Variants in MACF1 observed in about 807,000 individuals in gnomAD.
The protein encoded by MACF1 is microtubule actin crosslinking factor 1.
MACF1 carries 193 observed loss-of-function variants against 854.8 expected under a neutral mutation model. The ratio of observed to expected loss-of-function variants is 0.23; its 90% confidence interval spans 0.20 to 0.25. The LOEUF is 0.25. Among genes scored for constraint, MACF1 ranks in the 10% least tolerant of loss-of-function variants. The pLI, the probability that MACF1 is intolerant of heterozygous loss-of-function variation, is 1.00. For missense variants in MACF1, 7,722 were observed against 8,929.1 expected (o/e 0.86, Z 5.45); for synonymous variants, 3,185 against 3,226.7 (o/e 0.99, Z 0.44).
chr1:39,331,373 G>A lies in MACF1; in HGVS notation c.4785G>A (p.Leu1595=). The A allele has an allele frequency of 6.2e-7, 1 of 1,613,922 alleles. No individual in the cohort carries two copies. Among genetic ancestry groups the A allele is most frequent in the Non-Finnish European group, 8.5e-7 (1 of 1,179,984 alleles). Reference sequence around the variant, plus strand: ...CTGAGACGGGTGAAAACCTCTCTTTGGAGGAGGGCATAGCCAGAAACCTCA... The same window carrying A: ...CTGAGACGGGTGAAAACCTCTCTTTAGAGGAGGGCATAGCCAGAAACCTCA... ...IAPETGENLS[L]EEGIARNLIN... is the part of the protein sequence containing the mutation. The change falls in exon 37 of 101, where the codon TTG becomes TTA. Residue 1595 remains leucine (L), a synonymous_variant. Transcript: ENST00000564288.
intron 31 of MACF1, among the ~76,000 whole-genome samples, chr1:39,322,011 G>A (rs1415408155): frequency 6.6e-6 from 1 of 152,222 alleles, no homozygotes; most frequent in Non-Finnish European, 1.5e-5. Flanking sequence ...AGAAGAGAGT[G>A]GACTAGAGCA....
intron 84 of MACF1, among the ~76,000 whole-genome samples, chr1:39,449,483 C>T (rs966409917): frequency 1.3e-5 from 2 of 152,028 alleles, no homozygotes; most frequent in Non-Finnish European, 2.9e-5. Flanking sequence ...ACTGCAAGCT[C>T]CGCCTCCCAG....
intron 2 of MACF1, among the ~76,000 whole-genome samples, chr1:39,233,511 C>G (rs12030697): frequency 1.9e-4 from 29 of 152,176 alleles, no homozygotes; most frequent in Admixed American, 1.4e-3. Flanking sequence ...CACAGAAAGT[C>G]TGATGGGCTT....
intron 43 of MACF1, among the ~76,000 whole-genome samples, chr1:39,352,661 G>A (rs903481238): frequency 5.3e-5 from 8 of 152,032 alleles, no homozygotes; most frequent in Admixed American, 3.3e-4. Context: ...GGGTCTACAG[G>A]CATGCACCAC....
chr1:39,477,090 TACACACACAC>T (rs10563248), intron 97 of MACF1, among the ~76,000 whole-genome samples: 4 of 26,254 alleles, frequency 1.5e-4, no homozygotes, highest in Non-Finnish European at 2.9e-4. Flanking sequence ...TATATATATA[TACACACACAC>T]ACATATATAC....
At position 39,360,861 on chromosome 1, in the gene MACF1, G is replaced by A. The variant is rs976202599; in HGVS notation, c.12313G>A (p.Ala4105Thr). ...TGAGCGATCTTCTCTGCTGCAGAAAGCAATTGCCCAATCTCAGAGTGTCCA... is the reference window on the plus strand; with the variant it reads ...TGAGCGATCTTCTCTGCTGCAGAAAACAATTGCCCAATCTCAGAGTGTCCA... The part of the protein sequence containing the change: ...LAERSSLLQK[A>T]IAQSQSVQES... Residue 4105 changes from alanine to threonine, a missense_variant, in exon 48 of 101, where the codon GCA (alanine) becomes ACA (threonine). Ala to Thr is a moderately conservative substitution (Grantham distance 58, BLOSUM62 0). Transcript: ENST00000564288. 7 of 1,613,994 alleles carry A rather than the reference G, an allele frequency of 4.3e-6. No individual in the cohort carries two copies. The highest frequency in any genetic ancestry group is 5.1e-6 in the Non-Finnish European group (6 of 1,180,008).
intron 97 of MACF1, among the ~76,000 whole-genome samples, chr1:39,474,386 C>T (rs959718272): frequency 1.3e-5 from 2 of 151,380 alleles, no homozygotes; most frequent in African/African-American, 2.4e-5. Flanking sequence ...GAGACTCTGT[C>T]GCAAAAAATA....
At chr1:39,406,738 C>CAAAAAAAAAAAAAAAAAAAAAA (rs5773658) in intron 58 of MACF1, among the ~76,000 whole-genome samples, 2 of 31,818 alleles carry the variant, frequency 6.3e-5, no homozygotes, top group African/African-American at 3.0e-4. Flanking sequence ...GAGTCTCACT[C>CAAAAAAAAAAAAAAAAAAAAAA]AAAAAAAAAA....
chr1:39,099,135 C>T (rs1642005126), intron 2 of MACF1, among the ~76,000 whole-genome samples: 1 of 152,346 alleles, frequency 6.6e-6, no homozygotes, highest in Middle Eastern at 3.4e-3. Flanking sequence ...TGTGTGCACA[C>T]ACACACACTC....
At chr1:39,091,452 G>T (rs1641799446) in intron 2 of MACF1, among the ~76,000 whole-genome samples, 1 of 152,164 alleles carries the variant, frequency 6.6e-6, no homozygotes. Flanking sequence ...AAATAAGGTA[G>T]TTGGGAGTAG....
intron 60 of MACF1, 119 bp downstream of exon 60, chr1:39,423,019 T>C: frequency 1.2e-6 from 1 of 860,316 alleles, no homozygotes. Flanking sequence ...CTACTTTGTG[T>C]CGTCCTGAAA....
intron 23 of MACF1, among the ~76,000 whole-genome samples, chr1:39,305,568 ACTT>A (rs1646155126): frequency 6.6e-6 from 1 of 152,140 alleles, no homozygotes; most frequent in Non-Finnish European, 1.5e-5. Context: ...ATATGCAAAC[ACTT>A]CTTCCGTTTT....
intron 1 of MACF1, among the ~76,000 whole-genome samples, chr1:39,214,218 G>A (rs189292838): frequency 6.6e-6 from 1 of 152,264 alleles, no homozygotes; most frequent in Admixed American, 6.5e-5. Context: ...TTTGAGTGGT[G>A]TGGGGCAGGG....
chr1:39,408,926 G>C (rs1229328294), intron 58 of MACF1, among the ~76,000 whole-genome samples: 2 of 151,498 alleles, frequency 1.3e-5, no homozygotes, highest in Non-Finnish European at 2.9e-5. Flanking sequence ...CCTCTCCCCG[G>C]CCCCGCCCCC....
chr1:39,179,937 C>A (rs1017519979), intron 2 of MACF1, among the ~76,000 whole-genome samples: 14 of 151,730 alleles, frequency 9.2e-5, no homozygotes, highest in Non-Finnish European at 8.8e-5. Context: ...ATCACTTGAA[C>A]CTGGGAGGTG....
Position 39,084,521 on chromosome 1 carries a change from A to T in MACF1, c.220+83A>T. Reference sequence around the variant, plus strand: ...GGCACAGCAGCTGTGTGGGGAGCCGAGGGGTCCTCACCAGGGCCTCTGACA... The same window carrying T: ...GGCACAGCAGCTGTGTGGGGAGCCGTGGGGTCCTCACCAGGGCCTCTGACA... On this transcript the variant is annotated intron_variant, in intron 2 of 93. Coordinates refer to the MACF1 transcript ENST00000361689. This position sits in a 1 kb window ranked among gnomAD's most constrained non-coding sequence, Gnocchi z 5.2. 6.0e-6 allele frequency: 7 copies of T among 1,162,548 alleles called. No individual in the cohort carries two copies. Among genetic ancestry groups the T allele is most frequent in the Non-Finnish European group, 8.6e-6 (7 of 810,104 alleles). The allele number at this position is 1,162,548 out of a possible 1,614,324, so 72.0% of individuals were successfully genotyped here.
chr1:39,212,991 A>G lies in MACF1; in HGVS notation c.109+7860A>G, dbSNP rs964309280. On this transcript the variant is annotated intron_variant, in intron 1 of 100. Transcript: ENST00000564288. The stretch of plus-strand genomic sequence containing the variant: ...TCACCTTCTTACATATACAACTCCT[A>G]TGCCTTTGTTTGTTTATTCTGGTTT... Among the ~76,000 whole-genome samples the G allele has an allele frequency of 3.3e-5, 5 of 152,198 alleles. No individual in the cohort carries two copies. The Middle Eastern group carries it at 9.5e-3, about 289-fold the overall frequency.
intron 2 of MACF1, among the ~76,000 whole-genome samples, chr1:39,194,880 GA>G (rs1644301851): frequency 6.6e-6 from 1 of 152,076 alleles, no homozygotes; most frequent in Non-Finnish European, 1.5e-5. Flanking sequence ...GTTTTGGAGA[GA>G]TGGGGTCTTG....
intron 40 of MACF1, among the ~76,000 whole-genome samples, chr1:39,342,676 G>A (rs1646962268): frequency 6.6e-6 from 1 of 151,552 alleles, no homozygotes; most frequent in South Asian, 2.1e-4. Flanking sequence ...CCACCACCAT[G>A]CCAGGCTAAA....
Sources: allele counts gnomAD v4.1 joint callset (sites outside exome capture counted in the v4.1 genomes callset), GRCh38; gene constraint gnomAD v4.1.1; non-coding constraint Gnocchi (gnomAD v3.1); transcripts MANE v1.5; gene names NCBI Gene and HGNC (gene_info 2026-07-23, HGNC 2026-07-21).